Variants in GPC3 observed in about 807,000 individuals in gnomAD.
The protein encoded by GPC3 is glypican 3.
GPC3 carries 3 observed loss-of-function variants against 34.4 expected under a neutral mutation model. That is an observed-to-expected ratio of 0.09 (90% confidence interval 0.04 to 0.23). GPC3 has a LOEUF of 0.23. Among genes scored for constraint, GPC3 ranks in the 10% least tolerant of loss-of-function variants. The pLI is 1.00. For missense variants in GPC3, 351 were observed against 445.6 expected (o/e 0.79, Z 1.91); for synonymous variants, 177 against 174.0 (o/e 1.02, Z -0.13).
intron 2 of GPC3, among the ~76,000 whole-genome samples, chrX:133,944,683 T>C (rs2076359867): frequency 3.6e-5 from 4 of 112,355 alleles, no homozygotes; most frequent in African/African-American, 1.3e-4. Flanking sequence ...ACATAAAAAA[T>C]TATTTAAAAA....
intron 2 of GPC3, among the ~76,000 whole-genome samples, chrX:133,952,739 CT>C (rs2076398602): frequency 8.9e-6 from 1 of 112,357 alleles, no homozygotes; most frequent in Non-Finnish European, 1.9e-5. Flanking sequence ...TTTAAGGGAA[CT>C]TTTTTGTTTT....
At chrX:133,606,433 T>G (rs1489389908) in intron 6 of GPC3, among the ~76,000 whole-genome samples, 1 of 100,683 alleles carries the variant, frequency 9.9e-6, no homozygotes, top group Non-Finnish European at 1.9e-5. Context: ...TTTTATTTAT[T>G]TTTTTTGAAA....
chrX:133,753,413 A>C (rs2071686458), intron 3 of GPC3, 69 bp downstream of exon 3: 2 of 821,106 alleles, frequency 2.4e-6, no homozygotes, highest in South Asian at 2.0e-5. Context: ...TCTCTCCATC[A>C]GTACCTGCTA....
chrX:133,765,936 T>G (rs1419727379), intron 2 of GPC3, among the ~76,000 whole-genome samples: 1 of 111,918 alleles, frequency 8.9e-6, no homozygotes, highest in Non-Finnish European at 1.9e-5. Context: ...ATTCATATAC[T>G]TAACAAGTAC....
intron 7 of GPC3, among the ~76,000 whole-genome samples, chrX:133,545,534 G>C (rs1603145900): frequency 9.0e-6 from 1 of 110,790 alleles, no homozygotes; most frequent in East Asian, 2.9e-4. Flanking sequence ...AGTGATTAGT[G>C]AGTTAAGGAG....
At chrX:133,670,481 C>T (rs2070815132) in intron 5 of GPC3, among the ~76,000 whole-genome samples, 2 of 111,673 alleles carry the variant, frequency 1.8e-5, no homozygotes, top group African/African-American at 6.5e-5. Flanking sequence ...GCTTGAGAGC[C>T]AATCAGAAGG....
At chrX:133,961,312 C>T (rs1473421973) in intron 1 of GPC3, among the ~76,000 whole-genome samples, 1 of 111,512 alleles carries the variant, frequency 9.0e-6, no homozygotes, top group African/African-American at 3.3e-5. Flanking sequence ...AATGTCACTA[C>T]CACACTGGAG....
intron 3 of GPC3, among the ~76,000 whole-genome samples, chrX:133,735,781 G>T (rs770768943): frequency 9.2e-6 from 1 of 109,017 alleles, no homozygotes; most frequent in Non-Finnish European, 1.9e-5. Context: ...TGGGCAACAT[G>T]GTAAAACCTC....
intron 1 of GPC3, 38 bp downstream of exon 1, chrX:133,985,237 C>T (rs367938113): frequency 2.5e-6 from 3 of 1,199,249 alleles, no homozygotes; most frequent in East Asian, 6.0e-5. Context: ...CCTTGCTCCC[C>T]GCTGGGCGCT....
At chrX:133,876,645 C>T (rs966542991) in intron 2 of GPC3, among the ~76,000 whole-genome samples, 12 of 111,941 alleles carry the variant, frequency 1.1e-4, no homozygotes, top group Non-Finnish European at 1.9e-4. Context: ...GGCCAAGATG[C>T]CCAGTTATTC....
At chrX:133,842,220 G>A (rs946470780) in intron 2 of GPC3, among the ~76,000 whole-genome samples, 3 of 109,483 alleles carry the variant, frequency 2.7e-5, no homozygotes, top group Non-Finnish European at 5.7e-5. Context: ...GGGAGGCTGA[G>A]GCAAGGAGAA....
At chrX:133,592,798 G>C (rs1208855538) in intron 7 of GPC3, among the ~76,000 whole-genome samples, 1 of 111,555 alleles carries the variant, frequency 9.0e-6, no homozygotes, top group East Asian at 2.8e-4. Context: ...CGATTTAATA[G>C]TCCTATAAAG....
At chrX:133,801,074 G>C (rs1389217647) in intron 2 of GPC3, among the ~76,000 whole-genome samples, 2 of 111,769 alleles carry the variant, frequency 1.8e-5, no homozygotes, top group East Asian at 5.6e-4. Context: ...AATGAATTAG[G>C]ATATCCAAGC....
At chrX:133,750,655 A>G (rs1256349408) in intron 3 of GPC3, among the ~76,000 whole-genome samples, 1 of 112,461 alleles carries the variant, frequency 8.9e-6, no homozygotes, top group Non-Finnish European at 1.9e-5. Flanking sequence ...AGCACCTAGC[A>G]AAGTGCCATA....
chrX:133,862,644 C>T (rs2075943241), intron 2 of GPC3, among the ~76,000 whole-genome samples: 1 of 109,955 alleles, frequency 9.1e-6, no homozygotes, highest in African/African-American at 3.3e-5. Flanking sequence ...GAGCCGAGAT[C>T]GCACCACTGC....
chrX:133,606,326 T>C (rs1006050473), intron 6 of GPC3, among the ~76,000 whole-genome samples: 2 of 112,568 alleles, frequency 1.8e-5, no homozygotes, highest in African/African-American at 6.4e-5. Context: ...AGAGGAGGCA[T>C]AGCATGGTGG....
intron 5 of GPC3, among the ~76,000 whole-genome samples, chrX:133,680,973 G>GA (rs1352883172): frequency 3.6e-5 from 4 of 111,461 alleles, no homozygotes; most frequent in Non-Finnish European, 3.8e-5. Flanking sequence ...TGTTTTTGCA[G>GA]AAAAAAGAGG....
intron 5 of GPC3, among the ~76,000 whole-genome samples, chrX:133,675,405 G>T (rs2070874050): frequency 9.0e-6 from 1 of 111,154 alleles, no homozygotes; most frequent in Non-Finnish European, 1.9e-5. Flanking sequence ...AGTATTTCAT[G>T]TTTTTTTGAG....
At chrX:133,876,447 G>A (rs1238342624) in intron 2 of GPC3, among the ~76,000 whole-genome samples, 1 of 111,924 alleles carries the variant, frequency 8.9e-6, no homozygotes, top group African/African-American at 3.2e-5. Flanking sequence ...ATAAGATAAA[G>A]TGTTATCTTG....
Sources: gnomAD v4.1 joint callset for allele counts (sites outside exome capture counted in the v4.1 genomes callset) on GRCh38, gnomAD v4.1.1 for gene constraint, MANE v1.5 for transcripts, NCBI Gene and HGNC (gene_info 2026-07-23, HGNC 2026-07-21) for gene names.